LTBP1: variants seen among roughly 807,000 people sequenced by gnomAD.
LTBP1 encodes the protein latent transforming growth factor beta binding protein 1, also known as latent-transforming growth factor beta-binding protein 1.
LTBP1 carries 129 observed loss-of-function variants against 207.6 expected under a neutral mutation model. The ratio of observed to expected loss-of-function variants is 0.62; its 90% CI spans 0.54 to 0.72. The LOEUF (loss-of-function observed/expected upper bound fraction) is 0.72, where lower values mean the gene tolerates loss of function less well. Among genes scored for constraint, LTBP1 ranks in the 30% least tolerant of loss-of-function variants. LTBP1 has a pLI of 0.00. For synonymous variants in LTBP1, 963 were observed against 833.7 expected, an observed-to-expected ratio of 1.16 and a Z score of -2.67; for missense variants, 2,281 against 2,217.2, an observed-to-expected ratio of 1.03 and a Z score of -0.58.
intron 23 of LTBP1, among the ~76,000 whole-genome samples, chr2:33,309,968 A>T (rs1461471874): frequency 7.1e-6 from 1 of 140,614 alleles, no homozygotes; most frequent in Non-Finnish European, 1.5e-5. Context: ...TTTTTTTGAG[A>T]CAGAGTCTCG....
chr2:33,246,108 C>T (rs2092499177), intron 10 of LTBP1, among the ~76,000 whole-genome samples: 1 of 152,202 alleles, frequency 6.6e-6, no homozygotes, highest in Admixed American at 6.5e-5. Context: ...TATGGTTCAG[C>T]TACAACAGCT....
chr2:33,378,181 A>ATGTGTGTGTG (rs1191265116), intron 31 of LTBP1, among the ~76,000 whole-genome samples: 26 of 115,974 alleles, frequency 2.2e-4, no homozygotes, highest in African/African-American at 2.4e-4. Context: ...TCATATATAT[A>ATGTGTGTGTG]TATATGTGTG....
intron 2 of LTBP1, among the ~76,000 whole-genome samples, chr2:33,007,260 C>T (rs1422167187): frequency 6.6e-6 from 1 of 152,170 alleles, no homozygotes; most frequent in African/African-American, 2.4e-5. Flanking sequence ...GGATTACAGG[C>T]GTGAGCCATC....
At chr2:33,379,049 G>T (rs2095179899) in intron 31 of LTBP1, among the ~76,000 whole-genome samples, 1 of 152,162 alleles carries the variant, frequency 6.6e-6, no homozygotes, top group Non-Finnish European at 1.5e-5. Context: ...GAGGGCTTCT[G>T]ACACAACAAA....
At position 33,000,601 on chromosome 2, in the gene LTBP1, C is replaced by T. The variant is rs1346781458; in HGVS notation, c.566-20308C>T. Reference sequence around the variant, plus strand: ...CTCTCCCACTGGACTGTGTGTAAGGCGGTCTCCTGTGCAGCCCGCCGCCAC... The same window carrying T: ...CTCTCCCACTGGACTGTGTGTAAGGTGGTCTCCTGTGCAGCCCGCCGCCAC... On this transcript the variant is annotated intron_variant, in intron 2 of 33. Coordinates refer to ENST00000404816, the MANE Select transcript of LTBP1 (RefSeq NM_206943.4). Among the ~76,000 whole-genome samples the T allele has an allele frequency of 5.9e-5, 8 of 135,568 alleles. 2 individuals are homozygous for T. The highest frequency in any genetic ancestry group is 1.5e-4 in the African/African-American group (6 of 39,050). 88.9% of individuals were successfully genotyped at this position (135,568 alleles called of 152,430 possible). A position where few individuals can be genotyped will look rare whatever the true frequency, so the allele number is the denominator to read the frequency against.
chr2:33,153,468 G>GT (rs146302918), intron 5 of LTBP1, among the ~76,000 whole-genome samples: 2,281 of 152,120 alleles, frequency 0.015, 23 homozygotes, highest in East Asian at 0.026. Context: ...TTTTAGTTTA[G>GT]TTTTTTTAAA....
chr2:33,273,389 G>A (rs962103249), intron 15 of LTBP1, among the ~76,000 whole-genome samples: 5 of 152,066 alleles, frequency 3.3e-5, no homozygotes, highest in Non-Finnish European at 5.9e-5. Context: ...TTACAACATG[G>A]CCTTTTTCTG....
intron 3 of LTBP1, among the ~76,000 whole-genome samples, chr2:33,032,256 T>A (rs2075724541): frequency 6.6e-6 from 1 of 152,206 alleles, no homozygotes; most frequent in South Asian, 2.1e-4. Flanking sequence ...CAACCCATAA[T>A]CAAAACCAGA....
intron 2 of LTBP1, among the ~76,000 whole-genome samples, chr2:33,001,517 T>G (rs1464659429): frequency 3.7e-5 from 5 of 134,898 alleles, no homozygotes; most frequent in African/African-American, 1.3e-4. Context: ...TCCTGTTAGG[T>G]GTTTTCTCAC....
chr2:33,336,794 T>C (rs1302222298), intron 24 of LTBP1, among the ~76,000 whole-genome samples: 1 of 152,146 alleles, frequency 6.6e-6, no homozygotes, highest in Non-Finnish European at 1.5e-5. Context: ...GAAGAAGCAC[T>C]TTCCTAAAAA....
Position 33,349,357 on chromosome 2 carries a change from C to T in LTBP1, c.4000+1847C>T, listed in dbSNP as rs146345307. Among the ~76,000 whole-genome samples the T allele has an allele frequency of 3.0e-3, 463 of 152,066 alleles. 2 individuals carry two copies. The highest frequency in any genetic ancestry group is 5.3e-3 in the Non-Finnish European group (362 of 67,986). On this transcript the variant is annotated intron_variant, in intron 26 of 33. Transcript: ENST00000404816. ...CAGTAAGGCAGAGGCATGGGAATCG[C>T]TTGAACACATGAGGCAAGGTTGCAG...
intron 2 of LTBP1, among the ~76,000 whole-genome samples, chr2:32,949,941 G>A (rs1315753493): frequency 6.6e-6 from 1 of 152,222 alleles, no homozygotes; most frequent in African/African-American, 2.4e-5. Context: ...GTTTTATGAT[G>A]TGTTATGATC....
intron 2 of LTBP1, among the ~76,000 whole-genome samples, chr2:32,960,064 T>C (rs540291484): frequency 6.6e-5 from 10 of 152,326 alleles, no homozygotes; most frequent in Admixed American, 3.9e-4. Context: ...CCGAGACTTA[T>C]CACTTCACCT....
At chr2:33,357,823 A>C (rs543636679) in intron 26 of LTBP1, among the ~76,000 whole-genome samples, 1 of 152,192 alleles carries the variant, frequency 6.6e-6, no homozygotes, top group Non-Finnish European at 1.5e-5. Flanking sequence ...CTTACTCAAA[A>C]TATCTTTAAG....
chr2:33,112,678 G>T (rs1338312858), intron 4 of LTBP1, among the ~76,000 whole-genome samples: 1 of 152,176 alleles, frequency 6.6e-6, no homozygotes, highest in Non-Finnish European at 1.5e-5. Context: ...AGATAATTTG[G>T]CAGGACCATG....
At chr2:32,972,034 G>A (rs1204960259) in intron 2 of LTBP1, among the ~76,000 whole-genome samples, 1 of 151,422 alleles carries the variant, frequency 6.6e-6, no homozygotes, top group Non-Finnish European at 1.5e-5. Context: ...TTAGGAGGTT[G>A]TACTTTCCAG....
At chr2:33,080,319 C>T (rs1387109768) in intron 3 of LTBP1, among the ~76,000 whole-genome samples, 4 of 152,164 alleles carry the variant, frequency 2.6e-5, no homozygotes, top group Admixed American at 6.6e-5. Flanking sequence ...TGAGCCACCA[C>T]GCCCATCCCA....
intron 15 of LTBP1, among the ~76,000 whole-genome samples, chr2:33,273,133 G>T (rs774552215): frequency 3.9e-5 from 6 of 152,132 alleles, no homozygotes; most frequent in Non-Finnish European, 7.4e-5. Context: ...GTTTTTCTTT[G>T]TTTAGAAGTG....
chr2:33,019,501 G>A (rs219193), intron 2 of LTBP1, among the ~76,000 whole-genome samples: 147,537 of 151,742 alleles, frequency 0.97, 71,859 homozygotes, highest in East Asian at 1. Flanking sequence ...CACTCGGCTA[G>A]TTTTTGTATT....
Sources: allele counts gnomAD v4.1 joint callset (sites outside exome capture counted in the v4.1 genomes callset), GRCh38; gene constraint gnomAD v4.1.1; transcripts MANE v1.5; gene names NCBI Gene and HGNC (gene_info 2026-07-23, HGNC 2026-07-21).